CAPN10: variants seen among roughly 807,000 people sequenced by gnomAD.
CAPN10 encodes calpain-10.
In CAPN10, 71 loss-of-function variants were observed where a neutral mutation model predicts 78.4. The observed-to-expected ratio is 0.91, with a 90% confidence interval of 0.75 to 1.10. The LOEUF is 1.10. CAPN10 is among the 50% of genes least tolerant of loss of function. CAPN10 has a pLI of 0.00. For synonymous variants in CAPN10, 437 were observed against 407.2 expected (o/e 1.07, Z -0.88); for missense variants, 849 against 924.6 (o/e 0.92, Z 1.06).
At chr2:240,593,196 G>A (rs745340629) in intron 4 of CAPN10, among the ~76,000 whole-genome samples, 1 of 152,232 alleles carries the variant, frequency 6.6e-6, no homozygotes, top group Non-Finnish European at 1.5e-5. Flanking sequence ...GTGGGGTAGC[G>A]CTAAGTCCTA....
intron 1 of CAPN10, 134 bp from the exon 2 acceptor site, chr2:240,589,209 C>T: frequency 8.5e-7 from 1 of 1,172,478 alleles, no homozygotes; most frequent in East Asian, 2.4e-5. Context: ...AAACCACCTT[C>T]CTGTCCCTTT....
At chr2:240,588,804 G>A (rs77622920) in intron 1 of CAPN10, among the ~76,000 whole-genome samples, 1 of 151,986 alleles carries the variant, frequency 6.6e-6, no homozygotes, top group Non-Finnish European at 1.5e-5. Context: ...GATTCTGCCC[G>A]GGGAGCTGGA....
intron 2 of CAPN10, 117 bp downstream of exon 2, chr2:240,589,591 C>A: frequency 1.5e-6 from 2 of 1,310,098 alleles, no homozygotes; most frequent in Non-Finnish European, 2.1e-6. Flanking sequence ...GGATCTCCTG[C>A]TGTGTTGGGG....
rs2093141105 is a variant in CAPN10 at position 240,596,958 on chromosome 2, C to T, written c.1743+16C>T. On this transcript the variant is annotated intron_variant, in intron 9 of 11. Transcript: ENST00000391984. ...TATCTTCCAGGCAAGCTCCTTGCCC[C>T]AGGGAGGGAGGGGGAGCAGAAGGGG... is the stretch of plus-strand genomic sequence containing the variant. The T allele has an allele frequency of 6.2e-7, 1 of 1,613,214 alleles. No homozygotes were observed. The highest frequency in any genetic ancestry group is 1.3e-5 in the African/African-American group (1 of 74,958).
intron 2 of CAPN10, 94 bp downstream of exon 2, chr2:240,589,568 C>A: frequency 6.9e-7 from 1 of 1,455,314 alleles, no homozygotes; most frequent in Non-Finnish European, 9.2e-7. Context: ...GAAAGCAGAG[C>A]TGTGCCGCAG....
chr2:240,598,318 A>G, intron 10 of CAPN10, 34 bp from the exon 11 acceptor site: 2 of 1,611,998 alleles, frequency 1.2e-6, no homozygotes, highest in Non-Finnish European at 1.7e-6. Context: ...TGACAAGTGC[A>G]GTCTGGGAGC....
Position 240,598,787 on chromosome 2 carries a change from T to C in CAPN10, c.*107T>C. The C allele has an allele frequency of 1.2e-5, 13 of 1,107,470 alleles. No individual in the cohort carries two copies. Among genetic ancestry groups the C allele is most frequent in the Non-Finnish European group, 1.5e-5 (11 of 746,932 alleles). 68.6% of individuals were successfully genotyped at this position (1,107,470 alleles called of 1,614,324 possible). ...CACTGTGGGGGCTGGTCCTGAGTCTTGGCCTGCCTCCCAGCCCTGCCAGGA... is the reference window on the plus strand; with the variant it reads ...CACTGTGGGGGCTGGTCCTGAGTCTCGGCCTGCCTCCCAGCCCTGCCAGGA... On this transcript the variant is annotated 3_prime_UTR_variant, in exon 12 of 12. Coordinates refer to ENST00000391984, the MANE Select transcript of CAPN10 (RefSeq NM_023083.4).
At chr2:240,591,491 C>G (rs1559424051) in intron 3 of CAPN10, 2 of 236,964 alleles carry the variant, frequency 8.4e-6, no homozygotes, top group Admixed American at 5.2e-5. Context: ...ATGCATTTGT[C>G]TTCTTGCCAA....
At position 240,586,854 on chromosome 2, in the gene CAPN10, T is replaced by G. The variant is rs1315013380; in HGVS notation, c.-58T>G. On this transcript the variant is annotated 5_prime_UTR_variant, in exon 1 of 12. Coordinates refer to ENST00000391984, the MANE Select transcript of CAPN10 (RefSeq NM_023083.4). ...AGGCGGCGGCGGCTGACTCGCCTTC[T>G]CTCCGGGGCTGCGACCCCGAGGCAA... 2 of 1,300,898 alleles carry G rather than the reference T, an allele frequency of 1.5e-6. No individual in the cohort carries two copies. Among genetic ancestry groups the G allele is most frequent in the African/African-American group, 3.1e-5 (2 of 64,296 alleles). The allele number at this position is 1,300,898 out of a possible 1,614,324, so 80.6% of individuals were successfully genotyped here.
Position 240,589,447 on chromosome 2 carries a change from G to A in CAPN10, c.246G>A (p.Leu82=), listed in dbSNP as rs200982375. The A allele has an allele frequency of 4.0e-4, 643 of 1,613,698 alleles. 3 individuals carry two copies. Among genetic ancestry groups the A allele is most frequent in the Admixed American group, 7.0e-4 (42 of 60,012 alleles). The change falls in exon 2 of 12, where the codon CTG becomes CTA. Residue 82 remains leucine (L), a synonymous_variant. Transcript: ENST00000391984. The part of the protein sequence containing the change: ...DCWFLCACAA[L]QKSRHLLDQV... ...GGTTCCTGTGTGCCTGCGCCGCGCT[G>A]CAGAAGAGCAGGCACCTCCTGGACC...
chr2:240,595,437 T>C lies in CAPN10; in HGVS notation c.1278+133T>C, dbSNP rs565195208. The stretch of plus-strand genomic sequence containing the variant: ...GGGCCCCACCAGTCTCCCCCCTCCT[T>C]GGGCTGTTGCACGGGGTTGACGTCT... On this transcript the variant is annotated intron_variant, in intron 7 of 11. Coordinates refer to ENST00000391984, the MANE Select transcript of CAPN10 (RefSeq NM_023083.4). 2.9e-4 allele frequency: 283 copies of C among 979,780 alleles called. 1 individual carries two copies. Among genetic ancestry groups the C allele is most frequent in the Middle Eastern group, 4.3e-4 (2 of 4,660 alleles). The allele number at this position is 979,780 out of a possible 1,614,324, so 60.7% of individuals were successfully genotyped here.
Position 240,594,582 on chromosome 2 carries a change from T to G in CAPN10, c.870T>G (p.Ser290=). The change falls in exon 6 of 12, where the codon TCT becomes TCG. Residue 290 remains serine, a synonymous_variant. Transcript: ENST00000391984. The part of the protein sequence containing the change: ...GWSQVDAAVA[S]ELLSQLQEGE... ...GCCAGGTAGATGCAGCGGTAGCATCTGAGCTCCTGTCCCAGCTCCAGGAAG... is the reference window on the plus strand; with the variant it reads ...GCCAGGTAGATGCAGCGGTAGCATCGGAGCTCCTGTCCCAGCTCCAGGAAG... The G allele has an allele frequency of 6.2e-7, 1 of 1,613,840 alleles. No homozygotes were observed. The highest frequency in any genetic ancestry group is 8.5e-7 in the Non-Finnish European group (1 of 1,179,946).
At chr2:240,590,539 G>T (rs1405862911) in intron 2 of CAPN10, 1 of 410,256 alleles carries the variant, frequency 2.4e-6, no homozygotes, top group Non-Finnish European at 4.5e-6. Context: ...ATGCAGCCCT[G>T]TGCAGGCGCC....
chr2:240,587,716 C>G (rs917086289), intron 1 of CAPN10, among the ~76,000 whole-genome samples: 12 of 152,206 alleles, frequency 7.9e-5, no homozygotes, highest in Admixed American at 2.0e-4. Context: ...TGACAGGCCA[C>G]CTGGTTTCCT....
chr2:240,597,965 C>T lies in CAPN10; in HGVS notation c.1821C>T (p.Arg607=). 6 of 1,613,040 alleles carry T rather than the reference C, an allele frequency of 3.7e-6. No individual in the cohort carries two copies. Among genetic ancestry groups the T allele is most frequent in the Non-Finnish European group, 4.2e-6 (5 of 1,179,940 alleles). ...CGCTGCTGAGCTGCGTGCCACATCG[C>T]TACGCCCAGGAGGTGAGCCGGCTCT... The part of the protein sequence containing the change: ...QEPLLSCVPH[R]YAQEVSRLCL... The change falls in exon 10 of 12, where the codon CGC becomes CGT. Residue 607 remains arginine, a synonymous_variant. Transcript: ENST00000391984.
At position 240,593,890 on chromosome 2, in the gene CAPN10, G is replaced by A. The variant is rs748284702; in HGVS notation, c.689-16G>A. On this transcript the variant is annotated splice_polypyrimidine_tract_variant and intron_variant, in intron 4 of 11. Coordinates refer to ENST00000391984, the MANE Select transcript of CAPN10 (RefSeq NM_023083.4). ...TGGTGCCCTTCCTGCCTGTGCCTGC[G>A]CCATTCCTCATGCAGGTGCCCGGGA... The A allele has an allele frequency of 5.1e-6, 8 of 1,581,544 alleles. No homozygotes were observed. The highest frequency in any genetic ancestry group is 2.7e-5 in the African/African-American group (2 of 74,322).
intron 5 of CAPN10, 107 bp downstream of exon 5, chr2:240,594,154 C>A: frequency 8.3e-7 from 1 of 1,208,566 alleles, no homozygotes; most frequent in Non-Finnish European, 1.1e-6. Context: ...TGGCTGTCTC[C>A]AGCAAGGCCC....
intron 11 of CAPN10, 41 bp from the exon 12 acceptor site, chr2:240,598,610 C>A (rs367590733): frequency 1.1e-5 from 17 of 1,561,596 alleles, no homozygotes; most frequent in African/African-American, 1.3e-5. Flanking sequence ...TGAGAAGGGG[C>A]GAGTGCCACC....
Position 240,587,059 on chromosome 2 carries a change from C to A in CAPN10, c.141+7C>A. On this transcript the variant is annotated splice_region_variant and intron_variant, in intron 1 of 11. Transcript: ENST00000391984. ...CACGTGGAGGCGGCCCCAGGTGGGGCCGTGTGGGGTGCGGTGGGCGCCGTT... is the reference window on the plus strand; with the variant it reads ...CACGTGGAGGCGGCCCCAGGTGGGGACGTGTGGGGTGCGGTGGGCGCCGTT... 1 of 1,397,542 alleles carries A rather than the reference C, an allele frequency of 7.2e-7. No homozygotes were observed. Among genetic ancestry groups the A allele is most frequent in the Non-Finnish European group, 9.3e-7 (1 of 1,071,398 alleles). 86.6% of individuals were successfully genotyped at this position (1,397,542 alleles called of 1,614,324 possible).
Sources: gnomAD v4.1 joint callset for allele counts (sites outside exome capture counted in the v4.1 genomes callset) on GRCh38, gnomAD v4.1.1 for gene constraint, MANE v1.5 for transcripts, NCBI Gene and HGNC (gene_info 2026-07-23, HGNC 2026-07-21) for gene names.